Variants in ASAP2 observed in about 807,000 individuals in gnomAD.
The protein encoded by ASAP2 is ArfGAP with SH3 domain, ankyrin repeat and PH domain 2, also known as arf-GAP with SH3 domain, ANK repeat and PH domain-containing protein 2.
Under a neutral mutation model 131.4 loss-of-function variants are expected in ASAP2, and 45 were observed. The ratio of observed to expected loss-of-function variants is 0.34; its 90% CI spans 0.27 to 0.44. The LOEUF is 0.44. Among genes scored for constraint, ASAP2 ranks in the 20% least tolerant of loss-of-function variants. The pLI is 1.00. For synonymous variants in ASAP2, 510 were observed against 503.0 expected (o/e 1.01, Z -0.19); for missense variants, 1,011 against 1,297.0 (o/e 0.78, Z 3.39).
intron 19 of ASAP2, 55 bp from the exon 20 acceptor site, chr2:9,380,686 C>T (rs1674767350): frequency 6.5e-7 from 1 of 1,527,106 alleles, no homozygotes; most frequent in Non-Finnish European, 9.1e-7. Context: ...TCCTGGATGT[C>T]AGGCCTTTGC....
chr2:9,223,034 C>T (rs1241170333), intron 1 of ASAP2, among the ~76,000 whole-genome samples: 1 of 152,196 alleles, frequency 6.6e-6, no homozygotes, highest in African/African-American at 2.4e-5. Flanking sequence ...TCAAGAGTCC[C>T]ACTTTAATTT....
chr2:9,242,070 C>T (rs1664008616), intron 1 of ASAP2, among the ~76,000 whole-genome samples: 1 of 152,260 alleles, frequency 6.6e-6, no homozygotes, highest in South Asian at 2.1e-4. Flanking sequence ...GAGGAGAAGG[C>T]ATAACATGTA....
chr2:9,369,094 C>T (rs1486379045), intron 16 of ASAP2, among the ~76,000 whole-genome samples: 1 of 151,834 alleles, frequency 6.6e-6, no homozygotes, highest in Non-Finnish European at 1.5e-5. Flanking sequence ...TCTCGGCTCA[C>T]TGCAACCTCT....
At chr2:9,358,134 G>A (rs1262114646) in intron 14 of ASAP2, among the ~76,000 whole-genome samples, 2 of 152,120 alleles carry the variant, frequency 1.3e-5, no homozygotes, top group South Asian at 2.1e-4. Flanking sequence ...CCTGAGCATC[G>A]CAAAGCTGTC....
At chr2:9,330,316 G>A (rs1213315854) in intron 7 of ASAP2, among the ~76,000 whole-genome samples, 1 of 152,176 alleles carries the variant, frequency 6.6e-6, no homozygotes, top group Admixed American at 6.5e-5. Flanking sequence ...CAAGCCAGCC[G>A]CAGAAAGACA....
rs2147911610 is a variant in ASAP2 at position 9,207,645 on chromosome 2, C to G, written c.126+415C>G. On this transcript the variant is annotated intron_variant, in intron 1 of 27. Coordinates refer to ENST00000281419, the MANE Select transcript of ASAP2 (RefSeq NM_003887.3). This position sits in a 1 kb window ranked among gnomAD's most constrained non-coding sequence, Gnocchi z 4.1. ...GACCGGCGGGGGCAGCTCCGCGCTCCGAGCTCCCCGCCGCAGCCCCCGAGC... is the reference window on the plus strand; with the variant it reads ...GACCGGCGGGGGCAGCTCCGCGCTCGGAGCTCCCCGCCGCAGCCCCCGAGC... 1.3e-5 allele frequency among the ~76,000 whole-genome samples: 2 copies of G among 152,064 alleles called. No homozygotes were observed. Among genetic ancestry groups the G allele is most frequent in the South Asian group, 4.1e-4 (2 of 4,824 alleles).
At chr2:9,263,991 A>G (rs1356894653) in intron 1 of ASAP2, among the ~76,000 whole-genome samples, 1 of 152,146 alleles carries the variant, frequency 6.6e-6, no homozygotes, top group African/African-American at 2.4e-5. Context: ...CAGGAGTTCA[A>G]TACCAGCCTG....
intron 15 of ASAP2, among the ~76,000 whole-genome samples, chr2:9,359,212 G>T (rs886718752): frequency 2.6e-5 from 4 of 152,252 alleles, no homozygotes; most frequent in African/African-American, 9.6e-5. Flanking sequence ...GATGTGGAAT[G>T]CAACGTCTAA....
intron 16 of ASAP2, 140 bp downstream of exon 16, chr2:9,368,659 T>C: frequency 4.3e-6 from 3 of 696,742 alleles, no homozygotes; most frequent in Non-Finnish European, 7.2e-6. Flanking sequence ...TTGGGTTTTC[T>C]TAGTCACTTT....
At position 9,215,060 on chromosome 2, in the gene ASAP2, C is replaced by A. The variant is rs188577384; in HGVS notation, c.126+7830C>A. ...GTGCGAACATCCTAGAGTGCACTTA[C>A]ACACACCCAGATGGCATGCAGGCAC... On this transcript the variant is annotated intron_variant, in intron 1 of 27. Coordinates refer to ENST00000281419, the MANE Select transcript of ASAP2 (RefSeq NM_003887.3). Among the ~76,000 whole-genome samples the A allele has an allele frequency of 2.4e-3, 359 of 152,288 alleles. 2 individuals are homozygous for A. The highest frequency in any genetic ancestry group is 0.02 in the Middle Eastern group (6 of 294).
chr2:9,398,140 C>G (rs1317801012), intron 24 of ASAP2, among the ~76,000 whole-genome samples: 1 of 151,992 alleles, frequency 6.6e-6, no homozygotes, highest in East Asian at 1.9e-4. Flanking sequence ...ATTAGCCACA[C>G]CTGTTTTTTT....
intron 22 of ASAP2, among the ~76,000 whole-genome samples, chr2:9,390,302 G>A (rs933520326): frequency 2.6e-5 from 4 of 152,178 alleles, no homozygotes; most frequent in African/African-American, 7.2e-5. Context: ...CATTTGGGGC[G>A]GACCTGGCTC....
chr2:9,404,056 T>C lies in ASAP2; in HGVS notation c.*729T>C, dbSNP rs774470544. ...GAATTTGGTTAAAAACTAAGGATGATGGATTGCAAAACAGTTCTTTTAAAT... is the reference window on the plus strand; with the variant it reads ...GAATTTGGTTAAAAACTAAGGATGACGGATTGCAAAACAGTTCTTTTAAAT... On this transcript the variant is annotated 3_prime_UTR_variant, in exon 28 of 28. Coordinates refer to ENST00000281419, the MANE Select transcript of ASAP2 (RefSeq NM_003887.3). 6.6e-6 allele frequency: 1 copy of C among 152,278 alleles called. No individual in the cohort carries two copies. 9.4% of individuals were successfully genotyped at this position (152,278 alleles called of 1,614,324 possible).
chr2:9,346,108 C>T (rs1671946240), intron 11 of ASAP2, among the ~76,000 whole-genome samples: 1 of 152,072 alleles, frequency 6.6e-6, no homozygotes, highest in Non-Finnish European at 1.5e-5. Context: ...CCCCCGCGAC[C>T]CCAGGGCCAT....
intron 3 of ASAP2, among the ~76,000 whole-genome samples, chr2:9,301,127 C>T (rs1668448123): frequency 6.6e-6 from 1 of 152,206 alleles, no homozygotes; most frequent in Non-Finnish European, 1.5e-5. Flanking sequence ...TCATATCTTC[C>T]AAGCCTTGCT....
At chr2:9,370,029 G>A (rs1254394845) in intron 16 of ASAP2, among the ~76,000 whole-genome samples, 1 of 152,058 alleles carries the variant, frequency 6.6e-6, no homozygotes, top group Non-Finnish European at 1.5e-5. Context: ...TAGTAGAGAT[G>A]GGGTTTCACC....
At chr2:9,249,332 C>T (rs1366123700) in intron 1 of ASAP2, among the ~76,000 whole-genome samples, 2 of 152,180 alleles carry the variant, frequency 1.3e-5, no homozygotes, top group African/African-American at 4.8e-5. Flanking sequence ...CCCATTCTGC[C>T]CTCACGTCTC....
chr2:9,295,634 G>A (rs1462308594), intron 2 of ASAP2, among the ~76,000 whole-genome samples: 1 of 152,224 alleles, frequency 6.6e-6, no homozygotes, highest in Non-Finnish European at 1.5e-5. Flanking sequence ...GAGGGCTCCT[G>A]AGGAGCTGCG....
intron 3 of ASAP2, among the ~76,000 whole-genome samples, chr2:9,317,049 T>A (rs1437079189): frequency 7.1e-6 from 1 of 141,222 alleles, no homozygotes; most frequent in Non-Finnish European, 1.5e-5. Context: ...ATCACTCACA[T>A]CCACACTCCA....
Sources: allele counts gnomAD v4.1 joint callset (sites outside exome capture counted in the v4.1 genomes callset), GRCh38; gene constraint gnomAD v4.1.1; non-coding constraint Gnocchi (gnomAD v3.1); transcripts MANE v1.5; gene names NCBI Gene and HGNC (gene_info 2026-07-23, HGNC 2026-07-21).